The following KLHL22 variants were observed in gnomAD, a reference collection of about 807,000 sequenced individuals.
KLHL22 encodes the protein kelch-like protein 22.
A neutral mutation model predicts 60.7 loss-of-function variants in KLHL22; 18 were observed. That is an observed-to-expected ratio of 0.30 (90% confidence interval 0.20 to 0.44). The LOEUF is 0.44. Among genes scored for constraint, KLHL22 ranks in the 20% least tolerant of loss-of-function variants. The pLI is 1.00. For missense variants in KLHL22, 596 were observed against 852.3 expected (o/e 0.70, Z 3.74); for synonymous variants, 355 against 354.5 (o/e 1.00, Z -0.01).
rs182085937 is a variant in KLHL22 at position 20,449,363 on chromosome 22, T to C, written c.1306-2687A>G. Among the ~76,000 whole-genome samples, 580 of 151,458 alleles carry C rather than the reference T, an allele frequency of 3.8e-3. 5 individuals are homozygous for C. Among genetic ancestry groups the C allele is most frequent in the African/African-American group, 0.013 (541 of 41,220 alleles). Reference sequence around the variant, plus strand: ...GTGTGAGCCACCGTGCCCGGCTTCTTTTGCCCTCTTTTTAATGGGGTTATT... The same window carrying C: ...GTGTGAGCCACCGTGCCCGGCTTCTCTTGCCCTCTTTTTAATGGGGTTATT... On this transcript the variant is annotated intron_variant, in intron 5 of 6. Coordinates refer to ENST00000328879, the MANE Select transcript of KLHL22 (RefSeq NM_032775.4).
intron 5 of KLHL22, chr22:20,456,403 A>G (rs2053063411): frequency 6.6e-6 from 1 of 152,254 alleles, no homozygotes; most frequent in Non-Finnish European, 1.5e-5. Flanking sequence ...GGCAGCCACG[A>G]TGCAGCTGGT....
At chr22:20,442,723 A>G (rs1486197944) in intron 6 of KLHL22, among the ~76,000 whole-genome samples, 4 of 152,168 alleles carry the variant, frequency 2.6e-5, no homozygotes, top group Admixed American at 2.6e-4. Context: ...CCTCTAGGCC[A>G]CCCGGCCCTA....
Position 20,495,477 on chromosome 22 carries a change from C to G in KLHL22, c.-34+283G>C, listed in dbSNP as rs2053754599. Among the ~76,000 whole-genome samples, 5 of 152,070 alleles carry G rather than the reference C, an allele frequency of 3.3e-5. No individual in the cohort carries two copies. In the South Asian group the frequency reaches 1.0e-3, roughly 31 times the overall value. ...CCGCCCGGGTGCCAGGAGGCCGGCG[C>G]GCCAGCAGCCGCGCTGAGGAGGCCT... On this transcript the variant is annotated intron_variant, in intron 1 of 6. Transcript: ENST00000328879. This position sits in a 1 kb window ranked among gnomAD's most constrained non-coding sequence, Gnocchi z 4.6.
Position 20,442,205 on chromosome 22 carries a change from G to T in KLHL22, c.1773C>A (p.Leu591=), listed in dbSNP as rs1036542389. The change falls in exon 7 of 7, where the codon CTC becomes CTA. Residue 591 remains leucine, a synonymous_variant. Transcript: ENST00000328879. ...NSISGLAACV[L]TLPRSLLLEP... is the part of the protein sequence containing the mutation. ...CAAGGAGCAGGGAGCGGGGCAGGGT[G>T]AGCACACAGGCCGCCAGGCCTGAGA... 6.2e-7 allele frequency: 1 copy of T among 1,600,544 alleles called. No individual in the cohort carries two copies.
intron 3 of KLHL22, 59 bp downstream of exon 3, chr22:20,471,291 G>A (rs927800052): frequency 6.5e-7 from 1 of 1,534,066 alleles, no homozygotes; most frequent in Non-Finnish European, 8.9e-7. Context: ...GGCATCATGG[G>A]CATCTCAGGG....
chr22:20,484,283 G>A (rs1047794829), intron 2 of KLHL22, among the ~76,000 whole-genome samples: 1 of 151,982 alleles, frequency 6.6e-6, no homozygotes, highest in East Asian at 1.9e-4. Context: ...ATGAGCCACC[G>A]TGCCCAGCTT....
At position 20,465,455 on chromosome 22, in the gene KLHL22, T is replaced by C; in HGVS notation, c.515A>G (p.Asp172Gly). 1 of 1,613,724 alleles carries C rather than the reference T, an allele frequency of 6.2e-7. No individual in the cohort carries two copies. Among genetic ancestry groups the C allele is most frequent in the Non-Finnish European group, 8.5e-7 (1 of 1,179,630 alleles). Residue 172 changes from aspartate (D) to glycine (G), a missense_variant, in exon 4 of 7, where the codon GAC becomes GGC. By Grantham distance (94) the Asp-to-Gly change is moderately conservative (BLOSUM62 -1). Transcript: ENST00000328879. The surrounding 1 kb of genome is among the most constrained non-coding windows in gnomAD (Gnocchi z 4.9). The stretch of plus-strand genomic sequence containing the variant: ...CACAAAGTTTTTGAGGATATAGGTG[T>C]CCAGTTGCTCAGTCAGGCGGCTCAA... ...FDLSRLTEQL[D>G]TYILKNFVAF... is the part of the protein sequence containing the mutation.
intron 2 of KLHL22, among the ~76,000 whole-genome samples, chr22:20,474,581 G>T (rs1024152464): frequency 6.6e-6 from 1 of 151,686 alleles, no homozygotes; most frequent in Non-Finnish European, 1.5e-5. Context: ...TAGTAGAGAT[G>T]GGGTTTCACC....
chr22:20,477,762 A>T (rs1159587320), intron 2 of KLHL22, among the ~76,000 whole-genome samples: 1 of 152,308 alleles, frequency 6.6e-6, no homozygotes, highest in South Asian at 2.1e-4. Context: ...TTTCATTTTT[A>T]TGTTTTTAGA....
intron 2 of KLHL22, among the ~76,000 whole-genome samples, chr22:20,479,228 G>A (rs2053461630): frequency 6.6e-6 from 1 of 151,808 alleles, no homozygotes; most frequent in African/African-American, 2.4e-5. Flanking sequence ...CTATAGGCAT[G>A]CACCATCATG....
At chr22:20,470,901 T>A (rs148724920) in intron 3 of KLHL22, among the ~76,000 whole-genome samples, 6 of 152,040 alleles carry the variant, frequency 3.9e-5, no homozygotes, top group Non-Finnish European at 8.8e-5. Context: ...GACAAATAGA[T>A]AGATAAAGTT....
At chr22:20,479,433 A>G (rs2053465297) in intron 2 of KLHL22, among the ~76,000 whole-genome samples, 1 of 151,968 alleles carries the variant, frequency 6.6e-6, no homozygotes, top group South Asian at 2.1e-4. Flanking sequence ...CACATCTATA[A>G]TCTCATGTCC....
At chr22:20,482,800 C>A in intron 2 of KLHL22, 1 of 1,200,744 alleles carries the variant, frequency 8.3e-7, no homozygotes, top group Non-Finnish European at 1.2e-6. Context: ...CAAAGGATAC[C>A]CTGCTTCTGG....
At chr22:20,486,593 A>G (rs1001551736) in intron 2 of KLHL22, among the ~76,000 whole-genome samples, 1 of 152,162 alleles carries the variant, frequency 6.6e-6, no homozygotes, top group African/African-American at 2.4e-5. Flanking sequence ...TCATACTGGG[A>G]AAAAAATAGT....
chr22:20,444,234 G>A (rs2146159648), intron 6 of KLHL22, among the ~76,000 whole-genome samples: 1 of 152,130 alleles, frequency 6.6e-6, no homozygotes, highest in East Asian at 1.9e-4. Flanking sequence ...GACTGCAACT[G>A]CCAGGGACTG....
At chr22:20,446,946 C>G (rs946666520) in intron 5 of KLHL22, among the ~76,000 whole-genome samples, 1 of 152,190 alleles carries the variant, frequency 6.6e-6, no homozygotes, top group Non-Finnish European at 1.5e-5. Flanking sequence ...CTAAAGTTAA[C>G]ATCTGCATGG....
At chr22:20,488,681 A>AGGGGAGGGGAGAGGAG in intron 2 of KLHL22, 1 of 382,708 alleles carries the variant, frequency 2.6e-6, no homozygotes, top group South Asian at 2.5e-5. Flanking sequence ...AGGAATGGTA[A>AGGGGAGGGGAGAGGAG]GGGAGGGGAG....
intron 6 of KLHL22, among the ~76,000 whole-genome samples, chr22:20,444,163 G>T (rs1211456025): frequency 1.3e-5 from 2 of 152,060 alleles, no homozygotes; most frequent in Admixed American, 1.3e-4. Flanking sequence ...CCCCAAGCCA[G>T]GAAAAGTGGG....
chr22:20,458,113 C>T (rs1221850569), intron 4 of KLHL22, 113 bp from the exon 5 acceptor site: 1 of 1,131,998 alleles, frequency 8.8e-7, no homozygotes, highest in South Asian at 1.5e-5. Context: ...AGCCTGAACC[C>T]TCCCCAACTA....
Sources: gnomAD v4.1 joint callset for allele counts (sites outside exome capture counted in the v4.1 genomes callset) on GRCh38, gnomAD v4.1.1 for gene constraint, Gnocchi (gnomAD v3.1) non-coding constraint, MANE v1.5 for transcripts, NCBI Gene and HGNC (gene_info 2026-07-23, HGNC 2026-07-21) for gene names.